The following AGAP6 variants were observed in gnomAD, a reference collection of about 807,000 sequenced individuals.
AGAP6 encodes ArfGAP with GTPase domain, ankyrin repeat and PH domain 6, also known as arf-GAP with GTPase, ANK repeat and PH domain-containing protein 6.
A neutral mutation model predicts 63.9 loss-of-function variants in AGAP6; 29 were observed. The observed-to-expected ratio is 0.45, with a 90% CI of 0.34 to 0.62. The LOEUF (loss-of-function observed/expected upper bound fraction) is 0.62. Ranked by LOEUF, AGAP6 falls within the 20% of genes least tolerant of loss-of-function variation. The pLI is 0.01. For synonymous variants in AGAP6, 199 were observed against 332.9 expected (o/e 0.60, Z 4.38); for missense variants, 493 against 884.9 (o/e 0.56, Z 5.62).
At chr10:49,989,169 C>T (rs1236831584) in intron 1 of AGAP6, 139 bp from the exon 2 acceptor site, 4 of 1,448,608 alleles carry the variant, frequency 2.8e-6, no homozygotes, top group Admixed American at 4.3e-5. Flanking sequence ...CCAGTTCTTG[C>T]TCTCTCATCT....
intron 6 of AGAP6, among the ~76,000 whole-genome samples, chr10:50,006,239 A>T (rs1554863887): frequency 6.6e-6 from 1 of 152,246 alleles, no homozygotes; most frequent in African/African-American, 2.4e-5. Context: ...TTGAACCACC[A>T]ATCTTACTTT....
intron 6 of AGAP6, 115 bp from the exon 7 acceptor site, chr10:50,007,910 A>G: frequency 6.3e-7 from 1 of 1,588,164 alleles, no homozygotes; most frequent in Non-Finnish European, 8.6e-7. Flanking sequence ...AAGAATTCAT[A>G]AAAACTGCTT....
chr10:49,991,644 T>G, intron 2 of AGAP6, 32 bp from the exon 3 acceptor site: 1 of 1,595,700 alleles, frequency 6.3e-7, no homozygotes. Context: ...AATGATTACA[T>G]CTTTTTTTCT....
chr10:49,989,373 G>A lies in AGAP6; in HGVS notation c.289G>A (p.Glu97Lys). 2 of 1,597,434 alleles carry A rather than the reference G, an allele frequency of 1.3e-6. No individual in the cohort carries two copies. The highest frequency in any genetic ancestry group is 1.7e-6 in the Non-Finnish European group (2 of 1,179,730). Residue 97 changes from glutamate to lysine, a missense_variant, in exon 2 of 8, where the codon GAA becomes AAA. Transcript: ENST00000412531. ...AATATTCCAGAGGAACTCTCAAACAGAAGGTGAGACAACAGTGTCTGTAGC... is the reference window on the plus strand; with the variant it reads ...AATATTCCAGAGGAACTCTCAAACAAAAGGTGAGACAACAGTGTCTGTAGC... ...STIFQRNSQT[E>K]ALEFNPSANP... is the part of the protein sequence containing the mutation.
chr10:49,995,545 T>G (rs181138677), intron 4 of AGAP6, among the ~76,000 whole-genome samples: 2,533 of 152,318 alleles, frequency 0.017, 27 homozygotes, highest in Non-Finnish European at 0.024. Flanking sequence ...TGTGTGTGTG[T>G]GGGGCAACTT....
At chr10:49,994,316 A>G in intron 3 of AGAP6, 79 bp from the exon 4 acceptor site, 1 of 1,389,786 alleles carries the variant, frequency 7.2e-7, no homozygotes. Context: ...ACGTAGGAGT[A>G]ATCAGTAAGA....
intron 3 of AGAP6, among the ~76,000 whole-genome samples, chr10:49,993,581 A>G (rs1372981213): frequency 5.3e-5 from 8 of 152,054 alleles, no homozygotes; most frequent in Admixed American, 5.2e-4. Context: ...TCTTTGGGAG[A>G]CTGAGGTGGG....
At chr10:49,990,473 GT>G (rs537971186) in intron 2 of AGAP6, among the ~76,000 whole-genome samples, 107 of 152,284 alleles carry the variant, frequency 7.0e-4, no homozygotes, top group Middle Eastern at 3.4e-3. Context: ...GAAAGTTGGA[GT>G]TTTTTAGTCT....
At chr10:49,995,465 G>A (rs1446275187) in intron 4 of AGAP6, among the ~76,000 whole-genome samples, 1 of 152,192 alleles carries the variant, frequency 6.6e-6, no homozygotes, top group Non-Finnish European at 1.5e-5. Flanking sequence ...TTTCCCCCAA[G>A]TATTGTAGCA....
Position 50,009,802 on chromosome 10 carries a change from G to A in AGAP6, c.1677G>A (p.Thr559=), listed in dbSNP as rs201341309. The A allele has an allele frequency of 0.052, 84,015 of 1,613,124 alleles. 2,490 individuals carry two copies. The highest frequency in any genetic ancestry group is 0.13 in the African/African-American group (9,959 of 74,776). The change falls in exon 8 of 8, where the codon ACG becomes ACA. Residue 559 remains threonine (T), a synonymous_variant. Coordinates refer to ENST00000412531, the MANE Select transcript of AGAP6 (RefSeq NM_001077665.3). ...AGACAAAACCCTCAGAAAAGTCCAC[G>A]AGGGAAGAGAAGGAACGGTGGATCC... ...QGQTKPSEKS[T]REEKERWIRS... is the part of the protein sequence containing the mutation.
chr10:50,010,342 C>G lies in AGAP6; in HGVS notation c.*156C>G. On this transcript the variant is annotated 3_prime_UTR_variant, in exon 8 of 8. Coordinates refer to ENST00000412531, the MANE Select transcript of AGAP6 (RefSeq NM_001077665.3). ...GTAAATACACAAAATGTTGATTTTT[C>G]TGACCATAAGACGTATTTTATGTCC... The G allele has an allele frequency of 1.4e-6, 2 of 1,422,330 alleles. No individual in the cohort carries two copies. The highest frequency in any genetic ancestry group is 1.3e-5 in the South Asian group (1 of 74,078). The allele number at this position is 1,422,330 out of a possible 1,614,324, so 88.1% of individuals were successfully genotyped here.
intron 6 of AGAP6, among the ~76,000 whole-genome samples, chr10:50,006,176 A>C (rs1554863876): frequency 1.3e-5 from 2 of 152,198 alleles, no homozygotes; most frequent in Non-Finnish European, 2.9e-5. Flanking sequence ...ATCATGCATT[A>C]GTTACTTGGA....
rs1327952922 is a variant in AGAP6 at position 49,989,321 on chromosome 10, C to A, written c.237C>A (p.Asn79Lys). ...CTATACATATAGCTTTGGAGTTTAA[C>A]CTTTCTGCCAATCCAGAGTCAAGCA... ...DREMPEALEF[N>K]LSANPESSTI... The change falls in exon 2 of 8, where the codon AAC becomes AAA. Residue 79 changes from asparagine to lysine, a missense_variant. Transcript: ENST00000412531. 1.9e-6 allele frequency: 3 copies of A among 1,597,394 alleles called. No individual in the cohort carries two copies. The highest frequency in any genetic ancestry group is 2.5e-6 in the Non-Finnish European group (3 of 1,179,744).
chr10:49,999,409 A>G (rs1439129940), intron 4 of AGAP6, among the ~76,000 whole-genome samples: 1 of 140,284 alleles, frequency 7.1e-6, no homozygotes, highest in Admixed American at 7.9e-5. Context: ...GACAAAATGC[A>G]GCATCCTTTT....
intron 6 of AGAP6, 102 bp from the exon 7 acceptor site, chr10:50,007,923 G>T (rs1267310592): frequency 6.3e-7 from 1 of 1,599,430 alleles, no homozygotes; most frequent in African/African-American, 1.3e-5. Context: ...AACTGCTTTG[G>T]TAAAGTAAAC....
At chr10:50,001,443 G>C (rs1323744535) in intron 4 of AGAP6, among the ~76,000 whole-genome samples, 1 of 117,160 alleles carries the variant, frequency 8.5e-6, no homozygotes, top group Admixed American at 8.8e-5. Flanking sequence ...TTTTTGAGAC[G>C]GAGTCTCACT....
chr10:49,997,757 A>ATTTT (rs1841546785), intron 4 of AGAP6, among the ~76,000 whole-genome samples: 1 of 149,854 alleles, frequency 6.7e-6, no homozygotes, highest in Non-Finnish European at 1.5e-5. Context: ...GCTGAACCCA[A>ATTTT]TTTGTAGTCT....
rs374268556 is a variant in AGAP6 at position 50,004,647 on chromosome 10, A to T, written c.498-38A>T. The stretch of plus-strand genomic sequence containing the variant: ...AAAATGTCTTCAGGCCTAACAAATG[A>T]TAACATCTATTGTTATGAATTTTTT... On this transcript the variant is annotated intron_variant, in intron 5 of 7. Transcript: ENST00000412531. 1.1e-4 allele frequency: 117 copies of T among 1,083,612 alleles called. No homozygotes were observed. The Middle Eastern group carries it at 1.2e-3, about 11-fold the overall frequency. 67.1% of individuals were successfully genotyped at this position (1,083,612 alleles called of 1,614,324 possible).
chr10:49,994,656 G>A (rs1183163734), intron 4 of AGAP6, among the ~76,000 whole-genome samples: 3 of 152,132 alleles, frequency 2.0e-5, no homozygotes, highest in African/African-American at 7.2e-5. Flanking sequence ...AATTTCAATA[G>A]TCTGGTTCAA....
Sources: gnomAD v4.1 joint callset for allele counts (sites outside exome capture counted in the v4.1 genomes callset) on GRCh38, gnomAD v4.1.1 for gene constraint, MANE v1.5 for transcripts, NCBI Gene and HGNC (gene_info 2026-07-23, HGNC 2026-07-21) for gene names.